Variants in DLG4 observed in about 807,000 individuals in gnomAD.
The protein encoded by DLG4 is disks large homolog 4.
In DLG4, 7 loss-of-function variants were observed where a neutral mutation model predicts 93.8. The observed-to-expected ratio is 0.07, with a 90% CI of 0.04 to 0.14. DLG4 has a LOEUF of 0.14. DLG4 is among the 10% of genes least tolerant of loss of function. The probability of loss-of-function intolerance (pLI) is 1.00; values close to 1 mark genes in which losing one functional copy is unlikely to be tolerated. For synonymous variants in DLG4, 341 were observed against 387.6 expected, an observed-to-expected ratio of 0.88 and a Z score of 1.41; for missense variants, 545 against 992.9, an observed-to-expected ratio of 0.55 and a Z score of 6.06.
rs2069366424 is a variant in DLG4, at chr17:7,188,900, T to G, written c.*1808A>C. ...GCCAAGCTGGGCGGATCACCTGAGG[T>G]CAGGAGTTCGAGACCAGCCTGGCCA... On this transcript the variant is annotated 3_prime_UTR_variant, in exon 20 of 20. Transcript: ENST00000399506. Among the ~76,000 whole-genome samples the G allele has an allele frequency of 6.6e-6, 1 of 151,882 alleles. No homozygotes were observed. The highest frequency in any genetic ancestry group is 6.6e-5 in the Admixed American group (1 of 15,242).
intron 1 of DLG4, among the ~76,000 whole-genome samples, chr17:7,209,516 A>G (rs902419701): frequency 6.6e-6 from 1 of 152,222 alleles, no homozygotes; most frequent in Non-Finnish European, 1.5e-5. Flanking sequence ...CGGCAATCCC[A>G]GCACTTTGGG....
intron 2 of DLG4, among the ~76,000 whole-genome samples, chr17:7,205,469 C>T (rs1486277113): frequency 1.3e-5 from 2 of 152,130 alleles, no homozygotes; most frequent in Non-Finnish European, 2.9e-5. Flanking sequence ...TGCAGTCGCC[C>T]AAGCGCAAGG....
intron 1 of DLG4, among the ~76,000 whole-genome samples, chr17:7,214,116 A>C (rs192376944): frequency 4.7e-4 from 71 of 152,292 alleles, no homozygotes; most frequent in Non-Finnish European, 8.2e-4. Context: ...TCTCCTGGGA[A>C]CACAGAGCTG....
chr17:7,212,581 A>G (rs550648999), intron 1 of DLG4, among the ~76,000 whole-genome samples: 6 of 152,310 alleles, frequency 3.9e-5, no homozygotes, highest in Admixed American at 1.3e-4. Context: ...ACCCAATTTC[A>G]GGAAATATTT....
Position 7,193,199 on chromosome 17 carries a change from A to C in DLG4, c.1694-82T>G. On this transcript the variant is annotated intron_variant, in intron 16 of 19. Transcript: ENST00000399506. The surrounding 1 kb of genome is among the most constrained non-coding windows in gnomAD (Gnocchi z 6.7). ...TCCTGCCTACTTCAATCAAATCCCC[A>C]TAGTGCCCAGCTGGTCCTTTGGTGA... 3 of 1,554,580 alleles carry C rather than the reference A, an allele frequency of 1.9e-6. No individual in the cohort carries two copies. The highest frequency in any genetic ancestry group is 2.6e-6 in the Non-Finnish European group (3 of 1,139,828).
chr17:7,194,213 C>G lies in DLG4; in HGVS notation c.1478+106G>C. On this transcript the variant is annotated intron_variant, in intron 12 of 19. Transcript: ENST00000399506. This position sits in a 1 kb window ranked among gnomAD's most constrained non-coding sequence, Gnocchi z 4.4. ...CCAGGAGGGCCCAACAGACAAACCC[C>G]TAGGAGTTCAGAGGGCAAACCCATC... The G allele has an allele frequency of 6.9e-7, 1 of 1,452,696 alleles. No homozygotes were observed. Among genetic ancestry groups the G allele is most frequent in the Non-Finnish European group, 9.2e-7 (1 of 1,081,240 alleles). 90.0% of individuals were successfully genotyped at this position (1,452,696 alleles called of 1,614,324 possible). A position where few individuals can be genotyped will look rare whatever the true frequency, so the allele number is the denominator to read the frequency against.
At chr17:7,218,784 C>T, upstream of DLG4, 2 of 1,612,092 alleles carry the variant, frequency 1.2e-6, no homozygotes, top group Non-Finnish European at 1.7e-6. Context: ...CCCCAGCCCC[C>T]CACTTCGCTC....
In DLG4 at chr17:7,194,035, A is replaced by G. The variant is rs780375296; in HGVS notation, c.1479-35T>C. On this transcript the variant is annotated intron_variant, in intron 12 of 19. Coordinates refer to ENST00000399506, the MANE Select transcript of DLG4 (RefSeq NM_001321075.3). The surrounding 1 kb of genome is among the most constrained non-coding windows in gnomAD (Gnocchi z 4.4). ...ACATGGAGGGATACGCGGGTAGGGG[A>G]ATGCCTACCCCCTGCCACCCCCATG... 8.6e-5 allele frequency: 138 copies of G among 1,608,976 alleles called. No individual in the cohort carries two copies. The highest frequency in any genetic ancestry group is 1.1e-4 in the Non-Finnish European group (128 of 1,177,658).
intron 8 of DLG4, among the ~76,000 whole-genome samples, chr17:7,199,993 A>G (rs1339794930): frequency 1.3e-5 from 2 of 151,778 alleles, no homozygotes; most frequent in Non-Finnish European, 2.9e-5. Flanking sequence ...AAAAAAAAAA[A>G]AAGAAAAGAA....
Position 7,193,235 on chromosome 17 carries a change from C to G in DLG4, c.1694-118G>C. ...CTGGTCCTTTGGTGAAAGGGAGCTG[C>G]CAGGGAGACCAAGACTGCAGAGGGC... On this transcript the variant is annotated intron_variant, in intron 16 of 19. Coordinates refer to ENST00000399506, the MANE Select transcript of DLG4 (RefSeq NM_001321075.3). This position sits in a 1 kb window ranked among gnomAD's most constrained non-coding sequence, Gnocchi z 6.7. 7.0e-7 allele frequency: 1 copy of G among 1,431,382 alleles called. No individual in the cohort carries two copies. The highest frequency in any genetic ancestry group is 9.6e-7 in the Non-Finnish European group (1 of 1,039,822). 88.7% of individuals were successfully genotyped at this position (1,431,382 alleles called of 1,614,324 possible).
intron 2 of DLG4, chr17:7,207,942 G>A (rs1208179013): frequency 2.7e-5 from 14 of 511,142 alleles, no homozygotes; most frequent in Admixed American, 1.0e-4. Context: ...AGGAGCCCAA[G>A]CCCCAAACCC....
chr17:7,199,216 TG>T (rs1171855517), intron 8 of DLG4, among the ~76,000 whole-genome samples: 1 of 151,934 alleles, frequency 6.6e-6, no homozygotes, highest in Admixed American at 6.6e-5. Flanking sequence ...TTTATTTTTT[TG>T]GGATGGAGTT....
intron 1 of DLG4, among the ~76,000 whole-genome samples, chr17:7,212,509 C>T (rs1319628056): frequency 6.6e-6 from 1 of 152,184 alleles, no homozygotes; most frequent in Non-Finnish European, 1.5e-5. Context: ...CCTGTCCAAA[C>T]CCCCGAATCT....
intron 2 of DLG4, chr17:7,204,936 G>T (rs1008198384): frequency 1.0e-6 from 1 of 985,352 alleles, no homozygotes; most frequent in African/African-American, 1.7e-5. Context: ...CAAGACCCGG[G>T]GAGACCCACC....
intron 17 of DLG4, chr17:7,192,226 G>T: frequency 2.3e-6 from 1 of 436,722 alleles, no homozygotes; most frequent in Non-Finnish European, 4.0e-6. Flanking sequence ...GCACGGGAGA[G>T]GGCAGGGACA....
intron 1 of DLG4, among the ~76,000 whole-genome samples, chr17:7,216,233 C>T (rs1396121124): frequency 6.6e-6 from 1 of 152,092 alleles, no homozygotes; most frequent in Non-Finnish European, 1.5e-5. Flanking sequence ...CCCACATCTG[C>T]TCTTCTCCCT....
At chr17:7,200,856 GTTTT>G (rs1243920377) in intron 8 of DLG4, among the ~76,000 whole-genome samples, 1 of 94,662 alleles carries the variant, frequency 1.1e-5, no homozygotes, top group Non-Finnish European at 2.1e-5. Context: ...GCCTGTTTTG[GTTTT>G]TTTTTTTTTT....
At position 7,203,194 on chromosome 17, in the gene DLG4, G is replaced by T. The variant is rs773645233; in HGVS notation, c.641C>A (p.Ala214Glu). ...GRLQIGDKIL[A>E]VNSVGLEDVM... ...AAATGGGCTAGATGGAGTCCTCACC[G>T]CCAGGATCTTGTCTCCAATCTGCAA... is the stretch of plus-strand genomic sequence containing the variant. The change falls in exon 7 of 20, where the codon GCG becomes GAG. Residue 214 changes from alanine to glutamate, a missense_variant and splice_region_variant. Physicochemically the swap from Ala to Glu is moderately radical, Grantham distance 107. This residue lies in a region of DLG4 where 428 missense variants were observed against 741.4 expected (regional missense o/e 0.58). Transcript: ENST00000399506. The surrounding 1 kb of genome is among the most constrained non-coding windows in gnomAD (Gnocchi z 7.2). 6.3e-7 allele frequency: 1 copy of T among 1,595,966 alleles called. No homozygotes were observed. The highest frequency in any genetic ancestry group is 8.6e-7 in the Non-Finnish European group (1 of 1,166,820).
Position 7,192,021 on chromosome 17 carries a change from G to A in DLG4, c.1867-19C>T, listed in dbSNP as rs760016926. The A allele has an allele frequency of 1.5e-6, 2 of 1,342,698 alleles. No homozygotes were observed. The highest frequency in any genetic ancestry group is 2.0e-6 in the Non-Finnish European group (2 of 1,012,228). 83.2% of individuals were successfully genotyped at this position (1,342,698 alleles called of 1,614,324 possible). On this transcript the variant is annotated intron_variant, in intron 17 of 19. Transcript: ENST00000399506. ...GCTTCCCCTGGGGGCAGGCAGGGTG[G>A]GCGGAGGGGGGCCAGCGGGTGGCGA...
Sources: allele counts gnomAD v4.1 joint callset (sites outside exome capture counted in the v4.1 genomes callset), GRCh38; gene constraint gnomAD v4.1.1; regional missense constraint gnomAD v4.1.1; non-coding constraint Gnocchi (gnomAD v3.1); transcripts MANE v1.5; gene names NCBI Gene and HGNC (gene_info 2026-07-23, HGNC 2026-07-21).